Variants in PIP5K1B observed in about 807,000 individuals in gnomAD.
The protein encoded by PIP5K1B is phosphatidylinositol 4-phosphate 5-kinase type-1 beta.
Under a neutral mutation model 67.0 loss-of-function variants are expected in PIP5K1B, and 42 were observed. The ratio of observed to expected loss-of-function variants is 0.63; its 90% CI spans 0.49 to 0.81. The LOEUF (loss-of-function observed/expected upper bound fraction) is 0.81, where lower values mean the gene tolerates loss of function less well. Ranked by LOEUF, PIP5K1B falls within the 30% of genes least tolerant of loss-of-function variation. PIP5K1B has a pLI of 0.00. For synonymous variants in PIP5K1B, 214 were observed against 231.4 expected (o/e 0.92, Z 0.68); for missense variants, 459 against 646.3 (o/e 0.71, Z 3.14).
At chr9:68,920,459 C>G (rs1255196156) in intron 11 of PIP5K1B, among the ~76,000 whole-genome samples, 1 of 148,016 alleles carries the variant, frequency 6.8e-6, no homozygotes, top group African/African-American at 2.5e-5. Context: ...CCTCTGCCTC[C>G]CAGGGTCAAG....
At chr9:68,850,434 A>C (rs1279969125) in intron 4 of PIP5K1B, among the ~76,000 whole-genome samples, 1 of 152,218 alleles carries the variant, frequency 6.6e-6, no homozygotes, top group East Asian at 1.9e-4. Flanking sequence ...TGTTTAGCAC[A>C]TCCCTGGCCT....
chr9:68,779,741 T>C (rs1451922843), intron 2 of PIP5K1B, among the ~76,000 whole-genome samples: 1 of 152,208 alleles, frequency 6.6e-6, no homozygotes, highest in Admixed American at 6.5e-5. Context: ...CAGGAGATTG[T>C]TCCTTCCTCG....
At chr9:68,875,313 A>C (rs1054634768) in intron 5 of PIP5K1B, among the ~76,000 whole-genome samples, 3 of 150,724 alleles carry the variant, frequency 2.0e-5, no homozygotes, top group African/African-American at 7.3e-5. Flanking sequence ...AAAAAAAAAA[A>C]AAAAAAAAAA....
intron 2 of PIP5K1B, chr9:68,783,342 G>A (rs1295977528): frequency 6.0e-6 from 1 of 166,746 alleles, no homozygotes; most frequent in Non-Finnish European, 1.5e-5. Flanking sequence ...TACTTTTCTT[G>A]TGTCTGTTCT....
intron 4 of PIP5K1B, among the ~76,000 whole-genome samples, chr9:68,856,581 A>T (rs545650920): frequency 6.6e-6 from 1 of 152,244 alleles, no homozygotes; most frequent in South Asian, 2.1e-4. Context: ...GTCTTTATGC[A>T]TGTGTATCTT....
intron 3 of PIP5K1B, among the ~76,000 whole-genome samples, chr9:68,820,158 C>G (rs10117789): frequency 0.057 from 8,620 of 152,138 alleles, 482 homozygotes; most frequent in African/African-American, 0.14. Context: ...GAATGGCATT[C>G]TTTAGGGAGG....
intron 4 of PIP5K1B, among the ~76,000 whole-genome samples, chr9:68,860,457 A>G (rs1335735926): frequency 6.6e-6 from 1 of 152,222 alleles, no homozygotes; most frequent in Non-Finnish European, 1.5e-5. Context: ...GAAGTTTACA[A>G]GTTTTTCCTT....
At chr9:69,004,337 T>TGTGTGTGTGTGTGTG (rs1564311765) in intron 15 of PIP5K1B, among the ~76,000 whole-genome samples, 3 of 148,266 alleles carry the variant, frequency 2.0e-5, no homozygotes, top group East Asian at 2.0e-4. Flanking sequence ...GTGTGTGTTT[T>TGTGTGTGTGTGTGTG]TGTGTGTGTG....
At chr9:68,915,897 G>T (rs917302344) in intron 8 of PIP5K1B, among the ~76,000 whole-genome samples, 1 of 152,174 alleles carries the variant, frequency 6.6e-6, no homozygotes, top group African/African-American at 2.4e-5. Context: ...TTTCTTGAAG[G>T]CCATATGCCA....
At chr9:68,943,111 C>G (rs1052044642) in intron 14 of PIP5K1B, among the ~76,000 whole-genome samples, 1 of 152,234 alleles carries the variant, frequency 6.6e-6, no homozygotes, top group Non-Finnish European at 1.5e-5. Context: ...AAAAACCAAA[C>G]AACTTCGCTA....
intron 5 of PIP5K1B, among the ~76,000 whole-genome samples, chr9:68,867,849 C>T (rs1407064175): frequency 8.5e-5 from 13 of 152,212 alleles, no homozygotes; most frequent in Admixed American, 8.5e-4. Context: ...ACGAGTCTAT[C>T]TGGGTCATAG....
intron 11 of PIP5K1B, among the ~76,000 whole-genome samples, chr9:68,919,970 G>A (rs1826280870): frequency 6.6e-6 from 1 of 152,200 alleles, no homozygotes; most frequent in Non-Finnish European, 1.5e-5. Context: ...TGATATCTGT[G>A]TCTATGTGAA....
intron 13 of PIP5K1B, 42 bp downstream of exon 13, chr9:68,935,087 G>A (rs753111479): frequency 2.6e-5 from 40 of 1,546,084 alleles, no homozygotes; most frequent in Non-Finnish European, 3.3e-5. Context: ...ACGTTCTTGT[G>A]ATTTATTTAT....
At position 68,813,461 on chromosome 9, in the gene PIP5K1B, T is replaced by A. The variant is rs538424583; in HGVS notation, c.-85-5000T>A. ...ATGGACAAGAAAGAGAAAAGAGATG[T>A]CATGGATTGGGTTCTCTGGAAGCAA... On this transcript the variant is annotated intron_variant, in intron 2 of 15. Coordinates refer to ENST00000265382, the MANE Select transcript of PIP5K1B (RefSeq NM_003558.4). 3.9e-5 allele frequency among the ~76,000 whole-genome samples: 6 copies of A among 152,324 alleles called. No individual in the cohort carries two copies. In the South Asian group the frequency reaches 1.0e-3, roughly 26 times the overall value.
intron 14 of PIP5K1B, among the ~76,000 whole-genome samples, chr9:68,982,287 A>G (rs1346289594): frequency 6.6e-6 from 1 of 152,206 alleles, no homozygotes; most frequent in African/African-American, 2.4e-5. Context: ...GAACCTAGGA[A>G]ACTCTCAGCC....
intron 12 of PIP5K1B, among the ~76,000 whole-genome samples, chr9:68,925,824 G>C (rs1041217062): frequency 2.4e-4 from 1 of 4,118 alleles, no homozygotes; most frequent in Non-Finnish European, 6.6e-3. Flanking sequence ...TTGAGACAGG[G>C]TCTCACTCTA....
At chr9:68,717,015 T>A (rs892993408) in intron 1 of PIP5K1B, among the ~76,000 whole-genome samples, 1 of 152,202 alleles carries the variant, frequency 6.6e-6, no homozygotes, top group African/African-American at 2.4e-5. Flanking sequence ...TTCTCACTTA[T>A]AAGTGTGAGC....
intron 2 of PIP5K1B, among the ~76,000 whole-genome samples, chr9:68,762,380 G>A (rs74561971): frequency 0.017 from 2,561 of 152,136 alleles, 25 homozygotes; most frequent in Middle Eastern, 0.037. Flanking sequence ...TAGTGAACAT[G>A]CTCATTAAAA....
At chr9:68,727,487 A>G (rs1243881523) in intron 1 of PIP5K1B, 1 of 152,196 alleles carries the variant, frequency 6.6e-6, no homozygotes, top group Non-Finnish European at 1.5e-5. Flanking sequence ...AATAAAGAAT[A>G]TGGGGAAGTG....
Sources: gnomAD v4.1 joint callset for allele counts (sites outside exome capture counted in the v4.1 genomes callset) on GRCh38, gnomAD v4.1.1 for gene constraint, MANE v1.5 for transcripts, NCBI Gene and HGNC (gene_info 2026-07-23, HGNC 2026-07-21) for gene names.